Variants in TSHZ2 observed in about 807,000 individuals in gnomAD.
TSHZ2 encodes the protein teashirt zinc finger homeobox 2, also known as teashirt homolog 2.
TSHZ2 carries 21 observed loss-of-function variants against 74.4 expected under a neutral mutation model. That is an observed-to-expected ratio of 0.28 (90% CI 0.20 to 0.41). The LOEUF (loss-of-function observed/expected upper bound fraction) is 0.41. TSHZ2 is among the 10% of genes least tolerant of loss of function. TSHZ2 has a pLI of 1.00. For missense variants in TSHZ2, 1,244 were observed against 1,293.5 expected (o/e 0.96, Z 0.59); for synonymous variants, 540 against 515.3 (o/e 1.05, Z -0.65).
intron 1 of TSHZ2, among the ~76,000 whole-genome samples, chr20:53,064,000 A>G: frequency 6.6e-6 from 1 of 152,188 alleles, no homozygotes; most frequent in Non-Finnish European, 1.5e-5. Context: ...GATGCAGCAA[A>G]TTACTATATC....
intron 2 of TSHZ2, among the ~76,000 whole-genome samples, chr20:53,284,292 G>A (rs992617583): frequency 1.3e-5 from 2 of 152,164 alleles, no homozygotes; most frequent in East Asian, 1.9e-4. Context: ...AAGTTCGGCT[G>A]TCTGTTCGTG....
rs577037079 is a variant in TSHZ2, at chr20:53,112,803, G to A, written c.40+139470G>A. On this transcript the variant is annotated intron_variant, in intron 1 of 2. Coordinates refer to ENST00000371497, the MANE Select transcript of TSHZ2 (RefSeq NM_173485.6). ...CTCCCAAAGTGCTGAGATTAAAGGC[G>A]TGTGCCCCTACACCCAGCTGGAAAT... is the stretch of plus-strand genomic sequence containing the variant. Among the ~76,000 whole-genome samples the A allele has an allele frequency of 2.4e-3, 367 of 152,278 alleles. 2 individuals carry two copies. Among genetic ancestry groups the A allele is most frequent in the African/African-American group, 8.5e-3 (354 of 41,564 alleles).
chr20:52,987,740 G>A (rs980806892), intron 1 of TSHZ2, among the ~76,000 whole-genome samples: 1 of 152,140 alleles, frequency 6.6e-6, no homozygotes, highest in Admixed American at 6.5e-5. Context: ...GCCCAGAAAA[G>A]TCTTCAATTA....
chr20:53,151,477 TAGAA>T (rs1426168619), intron 1 of TSHZ2, among the ~76,000 whole-genome samples: 1 of 152,174 alleles, frequency 6.6e-6, no homozygotes, highest in Non-Finnish European at 1.5e-5. Flanking sequence ...TTCCAGATCT[TAGAA>T]AGAGAATATG....
At chr20:53,031,196 A>C (rs1179283125) in intron 1 of TSHZ2, among the ~76,000 whole-genome samples, 1 of 152,220 alleles carries the variant, frequency 6.6e-6, no homozygotes, top group African/African-American at 2.4e-5. Context: ...ATTGACTTGC[A>C]CATAAAGGGC....
At chr20:53,070,833 C>T (rs111916112) in intron 1 of TSHZ2, among the ~76,000 whole-genome samples, 12 of 152,150 alleles carry the variant, frequency 7.9e-5, no homozygotes, top group African/African-American at 2.9e-4. Context: ...CTACAGCTTC[C>T]GGTAATTGAC....
At chr20:53,116,112 C>T (rs926136780) in intron 1 of TSHZ2, among the ~76,000 whole-genome samples, 2 of 152,116 alleles carry the variant, frequency 1.3e-5, no homozygotes, top group Non-Finnish European at 2.9e-5. Context: ...TTCTCATCTG[C>T]AAAATGGAGA....
At chr20:53,086,181 A>C (rs1161226449) in intron 1 of TSHZ2, among the ~76,000 whole-genome samples, 1 of 152,232 alleles carries the variant, frequency 6.6e-6, no homozygotes, top group Admixed American at 6.5e-5. Flanking sequence ...AAGCAATAAC[A>C]ACTAAACAGT....
chr20:53,256,126 G>A lies in TSHZ2; in HGVS notation c.2668G>A (p.Gly890Arg). ...GCGTATGCAAATCTCTAAGTTTACG[G>A]GACTCTCAATGACCACTATCAGTCA... ...QERMQISKFTGLSMTTISHWL... is the reference protein window; with the variant it reads ...QERMQISKFTRLSMTTISHWL... Residue 890 changes from glycine (G) to arginine (R), a missense_variant, in exon 2 of 3, where the codon GGA (glycine) becomes AGA (arginine). By Grantham distance (125) the Gly-to-Arg change is moderately radical. Coordinates refer to ENST00000371497, the MANE Select transcript of TSHZ2 (RefSeq NM_173485.6). This position sits in a 1 kb window ranked among gnomAD's most constrained non-coding sequence, Gnocchi z 4.3. 6.2e-7 allele frequency: 1 copy of A among 1,614,074 alleles called. No homozygotes were observed. Among genetic ancestry groups the A allele is most frequent in the Non-Finnish European group, 8.5e-7 (1 of 1,179,962 alleles).
intron 2 of TSHZ2, among the ~76,000 whole-genome samples, chr20:53,437,793 G>C (rs1245330510): frequency 6.6e-6 from 1 of 152,204 alleles, no homozygotes; most frequent in East Asian, 1.9e-4. Flanking sequence ...TTCTTACTCT[G>C]TTGGTTCACA....
At chr20:53,323,410 G>GATGAATGA (rs56672853) in intron 2 of TSHZ2, among the ~76,000 whole-genome samples, 51,872 of 150,552 alleles carry the variant, frequency 0.34, 9,407 homozygotes, top group African/African-American at 0.45. Context: ...ATACTTGTTT[G>GATGAATGA]ATGAATGAAT....
chr20:53,170,111 A>G (rs1203085711), intron 1 of TSHZ2, among the ~76,000 whole-genome samples: 1 of 152,336 alleles, frequency 6.6e-6, no homozygotes, highest in Admixed American at 6.5e-5. Flanking sequence ...GCAGAGCCAC[A>G]TAGCTAGTAA....
intron 2 of TSHZ2, among the ~76,000 whole-genome samples, chr20:53,269,473 C>T (rs1014297905): frequency 6.6e-6 from 1 of 152,182 alleles, no homozygotes; most frequent in Admixed American, 6.5e-5. Context: ...CAAAGCCCCA[C>T]TTGTTACAAC....
chr20:53,488,393 C>T lies in TSHZ2; in HGVS notation c.*1258C>T, dbSNP rs1202708002. ...AGATTAAAATCAGGTCCTAAGTCAA[C>T]TTGGAAGAGCTAAGAGCATGTTTTA... On this transcript the variant is annotated 3_prime_UTR_variant, in exon 3 of 3. Transcript: ENST00000371497. The T allele has an allele frequency of 6.6e-6, 1 of 152,486 alleles. No individual in the cohort carries two copies. Among genetic ancestry groups the T allele is most frequent in the Non-Finnish European group, 1.5e-5 (1 of 68,316 alleles). 9.4% of individuals were successfully genotyped at this position (152,486 alleles called of 1,614,324 possible).
At chr20:53,105,912 G>A (rs544003663) in intron 1 of TSHZ2, among the ~76,000 whole-genome samples, 1 of 152,148 alleles carries the variant, frequency 6.6e-6, no homozygotes, top group Admixed American at 6.5e-5. Flanking sequence ...GCATCCCAAA[G>A]TGCTGGCATT....
chr20:53,405,141 C>G (rs1982798072), intron 2 of TSHZ2, among the ~76,000 whole-genome samples: 2 of 145,558 alleles, frequency 1.4e-5, no homozygotes, highest in Admixed American at 1.4e-4. Context: ...CTCAGCTACT[C>G]AGGAGGCTGG....
chr20:53,319,367 C>T (rs1057017888), intron 2 of TSHZ2, among the ~76,000 whole-genome samples: 1 of 152,186 alleles, frequency 6.6e-6, no homozygotes, highest in Admixed American at 6.5e-5. Context: ...CACAAGAAAC[C>T]TTTAAGTTAC....
At chr20:53,455,260 T>A (rs1445595475) in intron 2 of TSHZ2, 1 of 152,276 alleles carries the variant, frequency 6.6e-6, no homozygotes, top group Non-Finnish European at 1.5e-5. Context: ...ACTCACCTCA[T>A]CTGACGTGGT....
At position 53,189,944 on chromosome 20, in the gene TSHZ2, C is replaced by T. The variant is rs900960119; in HGVS notation, c.41-63555C>T. 2.2e-4 allele frequency among the ~76,000 whole-genome samples: 33 copies of T among 149,784 alleles called. 1 individual carries two copies. Among genetic ancestry groups the T allele is most frequent in the Non-Finnish European group, 3.1e-4 (21 of 67,428 alleles). ...ACGAAAAATACAAAAATTAGCTGAG[C>T]GTGATGGCACATGCTTGTAGTGCCA... On this transcript the variant is annotated intron_variant, in intron 1 of 2. Coordinates refer to ENST00000371497, the MANE Select transcript of TSHZ2 (RefSeq NM_173485.6).
Sources: allele counts gnomAD v4.1 joint callset (sites outside exome capture counted in the v4.1 genomes callset), GRCh38; gene constraint gnomAD v4.1.1; non-coding constraint Gnocchi (gnomAD v3.1); transcripts MANE v1.5; gene names NCBI Gene and HGNC (gene_info 2026-07-23, HGNC 2026-07-21).